Variants in NUP210L observed in about 807,000 individuals in gnomAD.
NUP210L encodes the protein nucleoporin 210 like.
A neutral mutation model predicts 208.5 loss-of-function variants in NUP210L; 74 were observed. The observed-to-expected ratio is 0.35, with a 90% CI of 0.29 to 0.43. The LOEUF is 0.43. Ranked by LOEUF, NUP210L falls within the 20% of genes least tolerant of loss-of-function variation. The pLI, the probability that NUP210L is intolerant of heterozygous loss-of-function variation, is 1.00. For synonymous variants in NUP210L, 780 were observed against 816.9 expected (o/e 0.95, Z 0.77); for missense variants, 1,843 against 2,289.4 (o/e 0.81, Z 3.98).
chr1:154,062,121 C>T (rs1010075731), intron 17 of NUP210L, among the ~76,000 whole-genome samples: 2 of 152,080 alleles, frequency 1.3e-5, no homozygotes, highest in African/African-American at 2.4e-5. Flanking sequence ...CCACCACGCC[C>T]GGCCTGAAAA....
intron 12 of NUP210L, among the ~76,000 whole-genome samples, chr1:154,117,178 A>G (rs532556461): frequency 6.6e-6 from 1 of 152,370 alleles, no homozygotes; most frequent in African/African-American, 2.4e-5. Flanking sequence ...TCTGATAATA[A>G]CCTTCGAGGT....
intron 35 of NUP210L, among the ~76,000 whole-genome samples, chr1:154,005,941 C>T (rs1475516553): frequency 6.6e-6 from 1 of 151,622 alleles, no homozygotes; most frequent in Non-Finnish European, 1.5e-5. Context: ...AGGCTGGTCT[C>T]GAACTCCCGA....
At chr1:154,001,924 A>G (rs769355154) in exon 36 of NUP210L, 8 of 1,613,982 alleles carry the variant, frequency 5.0e-6, no homozygotes, top group East Asian at 2.2e-5. Flanking sequence ...TGTCAGCCAC[A>G]CTGAGGGCCT....
chr1:154,135,026 C>G (rs1295554398), intron 7 of NUP210L, among the ~76,000 whole-genome samples: 1 of 152,108 alleles, frequency 6.6e-6, no homozygotes, highest in East Asian at 1.9e-4. Flanking sequence ...GCGTGAGCCA[C>G]CACGCCCGGC....
At chr1:154,115,340 C>A (rs1274341472) in intron 12 of NUP210L, among the ~76,000 whole-genome samples, 2 of 152,320 alleles carry the variant, frequency 1.3e-5, no homozygotes, top group South Asian at 2.1e-4. Context: ...GCTACACAGT[C>A]TCCGTGGTAA....
chr1:154,023,849 T>G (rs553439894), intron 30 of NUP210L, among the ~76,000 whole-genome samples: 1 of 150,498 alleles, frequency 6.6e-6, no homozygotes, highest in East Asian at 2.0e-4. Context: ...AGTGCAGTGG[T>G]GCAATCTCAA....
At chr1:154,006,822 ATATATATATATATATATATG>A (rs893576094) in intron 35 of NUP210L, among the ~76,000 whole-genome samples, 1 of 135,662 alleles carries the variant, frequency 7.4e-6, no homozygotes, top group African/African-American at 2.7e-5. Flanking sequence ...CATGCCATAT[ATATATATATATATATATATG>A]TATATATATA....
At chr1:154,154,783 C>G (rs1659612438) in intron 1 of NUP210L, 59 bp downstream of exon 1, 12 of 1,378,554 alleles carry the variant, frequency 8.7e-6, no homozygotes, top group Non-Finnish European at 1.2e-5. Context: ...GAGGGAACCC[C>G]CCTCACCCTT....
intron 2 of NUP210L, among the ~76,000 whole-genome samples, chr1:154,146,276 A>G (rs1487626030): frequency 6.6e-6 from 1 of 152,196 alleles, no homozygotes; most frequent in African/African-American, 2.4e-5. Context: ...CCCCCAAATT[A>G]AATAAATACT....
intron 16 of NUP210L, among the ~76,000 whole-genome samples, chr1:154,088,033 T>C (rs778493040): frequency 6.6e-6 from 1 of 152,120 alleles, no homozygotes; most frequent in Non-Finnish European, 1.5e-5. Context: ...CAACTTTGAT[T>C]TGAACACTTT....
At chr1:154,138,805 G>A (rs1426819781) in intron 5 of NUP210L, among the ~76,000 whole-genome samples, 1 of 152,120 alleles carries the variant, frequency 6.6e-6, no homozygotes. Context: ...CATGTGAAAA[G>A]AGAACTGTTA....
rs187926223 is a variant in NUP210L, at chr1:154,070,058, C to T, written c.2554+215G>A. ...ACACACCAGGGCCTATCATGGGGTG[C>T]GGGGATGGGGGAGAGATAGCATCAG... On this transcript the variant is annotated intron_variant, in intron 17 of 39. Transcript: ENST00000368559. 9.1e-4 allele frequency among the ~76,000 whole-genome samples: 139 copies of T among 152,004 alleles called. 2 individuals carry two copies. The highest frequency in any genetic ancestry group is 5.6e-3 in the South Asian group (27 of 4,818).
exon 27 of NUP210L, chr1:154,046,086 C>G: frequency 6.2e-7 from 1 of 1,614,074 alleles, no homozygotes; most frequent in East Asian, 2.2e-5. Flanking sequence ...TGCCTGGGCA[C>G]TAGATCCAAT....
At chr1:154,134,859 T>A (rs1235864543) in intron 7 of NUP210L, among the ~76,000 whole-genome samples, 2 of 148,222 alleles carry the variant, frequency 1.3e-5, no homozygotes, top group Admixed American at 1.3e-4. Flanking sequence ...TGCCTCAGCC[T>A]CCCGAGTAGC....
At chr1:154,104,012 C>T in exon 13 of NUP210L, 20 of 1,606,704 alleles carry the variant, frequency 1.2e-5, no homozygotes, top group Non-Finnish European at 1.7e-5. Context: ...CTACTTTTAC[C>T]TTCTTTGAGA....
rs1285377991 is a variant in NUP210L at position 154,033,504 on chromosome 1, G to GT, written c.3697-3451dup. Among the ~76,000 whole-genome samples the GT allele has an allele frequency of 2.6e-5, 4 of 152,272 alleles. No individual in the cohort carries two copies. The South Asian group carries it at 8.3e-4, about 32-fold the overall frequency. ...CCCAGCACCACTGACTGAAGAGACTGTTTTTTCCGCAATGTGTATTCTTGG... is the reference window on the plus strand; with the variant it reads ...CCCAGCACCACTGACTGAAGAGACTGTTTTTTTCCGCAATGTGTATTCTTGG... On this transcript the variant is annotated intron_variant, in intron 27 of 39. Coordinates refer to ENST00000368559, the Ensembl canonical transcript of NUP210L.
chr1:154,149,930 T>G (rs953143254), intron 2 of NUP210L, among the ~76,000 whole-genome samples: 2 of 152,176 alleles, frequency 1.3e-5, no homozygotes, highest in African/African-American at 2.4e-5. Flanking sequence ...CTTTTTCACC[T>G]AAAATTATGC....
intron 1 of NUP210L, 136 bp downstream of exon 1, chr1:154,154,706 C>T (rs1659605446): frequency 1.5e-6 from 1 of 689,648 alleles, no homozygotes; most frequent in South Asian, 1.8e-5. Flanking sequence ...ACTGACACCA[C>T]ACTCTCCTCC....
chr1:154,060,981 C>T, exon 19 of NUP210L: 1 of 1,613,740 alleles, frequency 6.2e-7, no homozygotes, highest in Non-Finnish European at 8.5e-7. Context: ...CATTCTCAGG[C>T]ACTACAGTTA....
Sources: gnomAD v4.1 joint callset for allele counts (sites outside exome capture counted in the v4.1 genomes callset) on GRCh38, gnomAD v4.1.1 for gene constraint, MANE v1.5 for transcripts, NCBI Gene and HGNC (gene_info 2026-07-23, HGNC 2026-07-21) for gene names.